CUL2: variants seen among roughly 807,000 people sequenced by gnomAD.
CUL2 encodes the protein cullin-2.
In CUL2, 22 loss-of-function variants were observed where a neutral mutation model predicts 110.2. The ratio of observed to expected loss-of-function variants is 0.20; its 90% CI spans 0.14 to 0.28. The LOEUF is 0.28. Among genes scored for constraint, CUL2 ranks in the 10% least tolerant of loss-of-function variants. The pLI, the probability that CUL2 is intolerant of heterozygous loss-of-function variation, is 1.00. For missense variants in CUL2, 631 were observed against 905.5 expected (o/e 0.70, Z 3.89); for synonymous variants, 279 against 293.2 (o/e 0.95, Z 0.49).
At chr10:35,094,717 C>T (rs2087270386), upstream of CUL2, among the ~76,000 whole-genome samples, 1 of 152,118 alleles carries the variant, frequency 6.6e-6, no homozygotes. Flanking sequence ...GAGATTGCCC[C>T]CACCTCTTGA....
Position 35,031,661 on chromosome 10 carries a change from T to C in CUL2, c.1171-42A>G, listed in dbSNP as rs746375032. 4.4e-6 allele frequency: 7 copies of C among 1,607,214 alleles called. No individual in the cohort carries two copies. Among genetic ancestry groups the C allele is most frequent in the South Asian group, 1.1e-5 (1 of 90,570 alleles). On this transcript the variant is annotated intron_variant, in intron 12 of 20. Transcript: ENST00000374749. The surrounding 1 kb of genome is among the most constrained non-coding windows in gnomAD (Gnocchi z 4.4). Reference sequence around the variant, plus strand: ...TAATAAATCTTACAAAGGGTGCTTCTGTATATATCACGCCTCAAAGGAGGC... The same window carrying C: ...TAATAAATCTTACAAAGGGTGCTTCCGTATATATCACGCCTCAAAGGAGGC...
chr10:35,033,157 A>C lies in CUL2; in HGVS notation c.1110+9T>G. The C allele has an allele frequency of 6.3e-7, 1 of 1,584,828 alleles. No homozygotes were observed. The highest frequency in any genetic ancestry group is 8.7e-7 in the Non-Finnish European group (1 of 1,154,792). On this transcript the variant is annotated intron_variant, in intron 11 of 20. Transcript: ENST00000374749. ...GTACATATATAGTATATATGTATTT[A>C]AAACTTACCTTATCCAACGCACTCA...
intron 1 of CUL2, among the ~76,000 whole-genome samples, chr10:35,084,857 C>T (rs2087022346): frequency 6.6e-6 from 1 of 152,174 alleles, no homozygotes; most frequent in Non-Finnish European, 1.5e-5. Flanking sequence ...TGGTGGCTCA[C>T]ACTTGTAATC....
At chr10:35,126,508 CA>C (rs1438725518) in intron 1 of CUL2, 1 of 152,574 alleles carries the variant, frequency 6.6e-6, no homozygotes, top group East Asian at 1.9e-4. Context: ...ATAGAGGTTG[CA>C]GAGAGCCGAG....
chr10:35,009,213 A>ATATG lies in CUL2; in HGVS notation c.*1097_*1098insCATA, dbSNP rs1363119954. 6.8e-6 allele frequency: 1 copy of ATATG among 146,206 alleles called. No homozygotes were observed. The highest frequency in any genetic ancestry group is 1.5e-5 in the Non-Finnish European group (1 of 66,660). The allele number at this position is 146,206 out of a possible 1,614,324, so 9.1% of individuals were successfully genotyped here. A position where few individuals can be genotyped will look rare whatever the true frequency, so the allele number is the denominator to read the frequency against. ...ATATATATATATATTATATATATAT[A>ATATG]TATATATAAAATAAACAAAATAATG... is the stretch of plus-strand genomic sequence containing the variant. On this transcript the variant is annotated 3_prime_UTR_variant, in exon 21 of 21. Transcript: ENST00000374749.
At chr10:35,075,644 A>T (rs2086798022) in intron 1 of CUL2, among the ~76,000 whole-genome samples, 2 of 78,374 alleles carry the variant, frequency 2.6e-5, no homozygotes, top group African/African-American at 9.0e-5. Context: ...AAACACACAC[A>T]CACACACACA....
intron 1 of CUL2, among the ~76,000 whole-genome samples, chr10:35,111,657 A>C (rs2087525439): frequency 6.6e-6 from 1 of 152,092 alleles, no homozygotes; most frequent in African/African-American, 2.4e-5. Context: ...GGATGCCGAG[A>C]CGGGTGGATC....
At chr10:35,105,622 C>A (rs2087445015) in intron 1 of CUL2, among the ~76,000 whole-genome samples, 1 of 148,380 alleles carries the variant, frequency 6.7e-6, no homozygotes, top group Non-Finnish European at 1.5e-5. Flanking sequence ...GCAGGAGAAT[C>A]ACTTGACCCC....
At chr10:35,086,460 G>C (rs1207291515) in intron 1 of CUL2, among the ~76,000 whole-genome samples, 1 of 152,012 alleles carries the variant, frequency 6.6e-6, no homozygotes, top group Non-Finnish European at 1.5e-5. Flanking sequence ...GCTAATTTCT[G>C]TATTTTTTGT....
intron 9 of CUL2, among the ~76,000 whole-genome samples, chr10:35,036,888 C>T (rs1175360266): frequency 6.6e-6 from 1 of 152,124 alleles, no homozygotes; most frequent in Non-Finnish European, 1.5e-5. Flanking sequence ...TGCACACCAC[C>T]CCGCCTGGCT....
chr10:35,066,305 G>A (rs2086523540), intron 2 of CUL2, among the ~76,000 whole-genome samples: 2 of 151,590 alleles, frequency 1.3e-5, no homozygotes, highest in Admixed American at 1.3e-4. Flanking sequence ...AGAATTTGCT[G>A]ACTTTTTTTT....
At position 35,049,697 on chromosome 10, in the gene CUL2, G is replaced by A; in HGVS notation, c.492C>T (p.Leu164=). The change falls in exon 6 of 21, where the codon CTC becomes CTT. Residue 164 remains leucine, a synonymous_variant. Coordinates refer to ENST00000374749, the MANE Select transcript of CUL2 (RefSeq NM_003591.4). ...TCAGCACTCACTTTTTGATTTCTCG[G>A]AGCAGCATTCGGATAAGGATGGCCT... ...PLQAILIRML[L]REIKNDRGGE... is the part of the protein sequence containing the mutation. 1 of 1,612,662 alleles carries A rather than the reference G, an allele frequency of 6.2e-7. No homozygotes were observed. Among genetic ancestry groups the A allele is most frequent in the Non-Finnish European group, 8.5e-7 (1 of 1,179,160 alleles).
intron 18 of CUL2, among the ~76,000 whole-genome samples, chr10:35,015,987 T>C (rs1165024609): frequency 6.6e-6 from 1 of 152,178 alleles, no homozygotes; most frequent in African/African-American, 2.4e-5. Context: ...AAAATCAAAC[T>C]ATAAACGGCA....
At chr10:35,042,432 T>C (rs1283956292) in intron 8 of CUL2, among the ~76,000 whole-genome samples, 1 of 152,140 alleles carries the variant, frequency 6.6e-6, no homozygotes, top group Non-Finnish European at 1.5e-5. Context: ...CTAGTTACAG[T>C]CTTTAGTTAT....
chr10:35,083,776 G>A (rs1036027946), intron 1 of CUL2, among the ~76,000 whole-genome samples: 5 of 152,250 alleles, frequency 3.3e-5, no homozygotes, highest in African/African-American at 1.2e-4. Context: ...ACCAAGGCAA[G>A]AGGACTGCTT....
At chr10:35,026,553 G>A (rs1156711623) in intron 16 of CUL2, among the ~76,000 whole-genome samples, 4 of 152,094 alleles carry the variant, frequency 2.6e-5, no homozygotes, top group African/African-American at 9.7e-5. Context: ...CTAAAAACAT[G>A]TTTTACCTCT....
chr10:35,074,017 C>G (rs952948604), intron 1 of CUL2: 1 of 714,526 alleles, frequency 1.4e-6, no homozygotes, highest in Non-Finnish European at 2.5e-6. Flanking sequence ...GTGCTGCGGC[C>G]GGTGCTCTAG....
intron 1 of CUL2, among the ~76,000 whole-genome samples, chr10:35,111,508 T>TTG (rs1337443523): frequency 6.6e-6 from 1 of 152,206 alleles, no homozygotes; most frequent in Non-Finnish European, 1.5e-5. Context: ...ATCCTCTGCC[T>TTG]TGGTCTCCCA....
At chr10:35,121,250 G>A (rs2087674637) in intron 1 of CUL2, among the ~76,000 whole-genome samples, 3 of 152,126 alleles carry the variant, frequency 2.0e-5, no homozygotes, top group Admixed American at 2.0e-4. Flanking sequence ...TTGGGATGGA[G>A]TCTCACTCAC....
Sources: gnomAD v4.1 joint callset for allele counts (sites outside exome capture counted in the v4.1 genomes callset) on GRCh38, gnomAD v4.1.1 for gene constraint, Gnocchi (gnomAD v3.1) non-coding constraint, MANE v1.5 for transcripts, NCBI Gene and HGNC (gene_info 2026-07-23, HGNC 2026-07-21) for gene names.